NLGN1: variants seen among roughly 807,000 people sequenced by gnomAD.
NLGN1 encodes the protein neuroligin-1.
Under a neutral mutation model 65.5 loss-of-function variants are expected in NLGN1, and 12 were observed. The observed-to-expected ratio is 0.18, with a 90% CI of 0.12 to 0.30. The LOEUF is 0.30. NLGN1 is among the 10% of genes least tolerant of loss of function. NLGN1 has a pLI of 1.00. For missense variants in NLGN1, 750 were observed against 1,007.1 expected, an observed-to-expected ratio of 0.74 and a Z score of 3.46; for synonymous variants, 350 against 359.5, an observed-to-expected ratio of 0.97 and a Z score of 0.30.
chr3:174,067,887 T>C (rs1738982410), intron 4 of NLGN1, among the ~76,000 whole-genome samples: 1 of 152,138 alleles, frequency 6.6e-6, no homozygotes, highest in African/African-American at 2.4e-5. Context: ...GTCTTGAGAA[T>C]CAGGACACAG....
rs188826803 is a variant in NLGN1, at chr3:173,452,858, C to A, written c.-321+17780C>A. ...GAGCCACAGACATTTTTTGGTTTCC[C>A]AATACATATATAAATTACGTTTACA... On this transcript the variant is annotated intron_variant, in intron 2 of 6. Transcript: ENST00000457714. Among the ~76,000 whole-genome samples the A allele has an allele frequency of 3.4e-4, 52 of 152,154 alleles. 1 individual carries two copies. The East Asian group carries it at 9.9e-3, about 29-fold the overall frequency.
At chr3:173,594,335 C>T (rs1749075853) in intron 2 of NLGN1, among the ~76,000 whole-genome samples, 1 of 152,220 alleles carries the variant, frequency 6.6e-6, no homozygotes, top group Admixed American at 6.5e-5. Flanking sequence ...AGAGGGGCTA[C>T]AGGCCCCATG....
At chr3:173,753,559 C>T (rs1776623463) in intron 3 of NLGN1, among the ~76,000 whole-genome samples, 2 of 152,128 alleles carry the variant, frequency 1.3e-5, no homozygotes, top group South Asian at 2.1e-4. Flanking sequence ...TGTTATGTCT[C>T]GCCTGGATGA....
chr3:173,722,435 G>T (rs1472129415), intron 3 of NLGN1, among the ~76,000 whole-genome samples: 2 of 151,736 alleles, frequency 1.3e-5, no homozygotes, highest in African/African-American at 4.8e-5. Context: ...TAGAGACAGG[G>T]TTTCACCATG....
At chr3:174,003,227 T>C (rs1031621701) in intron 4 of NLGN1, among the ~76,000 whole-genome samples, 3 of 152,170 alleles carry the variant, frequency 2.0e-5, no homozygotes, top group Non-Finnish European at 4.4e-5. Context: ...TGCAAGAAAG[T>C]GACTATTGCA....
At chr3:173,416,501 C>T (rs888876786) in intron 1 of NLGN1, among the ~76,000 whole-genome samples, 1 of 152,172 alleles carries the variant, frequency 6.6e-6, no homozygotes, top group Admixed American at 6.5e-5. Context: ...TTTTCCCTAA[C>T]TCATATTTCT....
chr3:173,642,978 TA>T (rs1477836879), intron 3 of NLGN1, among the ~76,000 whole-genome samples: 1 of 152,168 alleles, frequency 6.6e-6, no homozygotes, highest in Non-Finnish European at 1.5e-5. Context: ...AAAATGTGTA[TA>T]TATATACACA....
intron 4 of NLGN1, among the ~76,000 whole-genome samples, chr3:174,184,634 G>T (rs548291278): frequency 6.6e-6 from 1 of 152,262 alleles, no homozygotes; most frequent in African/African-American, 2.4e-5. Context: ...CTGCCTACAT[G>T]CTCAGCACTG....
chr3:174,238,954 G>A (rs990399554), intron 4 of NLGN1, among the ~76,000 whole-genome samples: 11 of 152,190 alleles, frequency 7.2e-5, no homozygotes, highest in Middle Eastern at 3.4e-3. Context: ...GGGGTTGGTG[G>A]AATGTCTTGG....
intron 4 of NLGN1, among the ~76,000 whole-genome samples, chr3:173,811,162 A>G (rs1230181880): frequency 6.6e-6 from 1 of 152,248 alleles, no homozygotes; most frequent in African/African-American, 2.4e-5. Flanking sequence ...TTTCTTCAGC[A>G]TCTATTATTT....
chr3:173,609,973 AG>A (rs1752030612), intron 3 of NLGN1, among the ~76,000 whole-genome samples: 1 of 151,880 alleles, frequency 6.6e-6, no homozygotes, highest in Admixed American at 6.6e-5. Flanking sequence ...AGATCTGGAA[AG>A]GGGGAAAAGA....
chr3:173,489,193 T>C (rs1365552272), intron 2 of NLGN1, among the ~76,000 whole-genome samples: 3 of 152,068 alleles, frequency 2.0e-5, no homozygotes, highest in African/African-American at 7.2e-5. Flanking sequence ...AATTAACTCA[T>C]CATTTACATT....
intron 4 of NLGN1, among the ~76,000 whole-genome samples, chr3:174,237,123 A>G (rs994367764): frequency 6.6e-6 from 1 of 152,134 alleles, no homozygotes; most frequent in East Asian, 1.9e-4. Context: ...ATAAAGTAGA[A>G]AATTAAATAA....
intron 4 of NLGN1, among the ~76,000 whole-genome samples, chr3:173,841,147 T>TTTTA (rs145205282): frequency 5.3e-5 from 8 of 149,906 alleles, no homozygotes; most frequent in African/African-American, 9.8e-5. Context: ...ATATCTATAG[T>TTTTA]TATATATATA....
intron 2 of NLGN1, among the ~76,000 whole-genome samples, chr3:173,473,540 A>AG (rs755110540): frequency 6.6e-6 from 1 of 152,196 alleles, no homozygotes; most frequent in Non-Finnish European, 1.5e-5. Context: ...TCACTAAAAT[A>AG]GTTGCTGTTT....
At chr3:174,275,146 C>A (rs1312320376) in intron 4 of NLGN1, among the ~76,000 whole-genome samples, 169 bp from the exon 5 acceptor site, 2 of 151,856 alleles carry the variant, frequency 1.3e-5, no homozygotes, top group Non-Finnish European at 2.9e-5. Flanking sequence ...TCAGCCACTA[C>A]TAACTATTCT....
intron 4 of NLGN1, among the ~76,000 whole-genome samples, chr3:174,083,506 C>T (rs1742654305): frequency 6.6e-6 from 1 of 151,982 alleles, no homozygotes; most frequent in African/African-American, 2.4e-5. Flanking sequence ...TCTTCGAAAA[C>T]ACATAGTGAA....
intron 4 of NLGN1, among the ~76,000 whole-genome samples, chr3:174,270,184 AT>A (rs10547987): frequency 0.53 from 67,541 of 127,506 alleles, 17,321 homozygotes; most frequent in African/African-American, 0.68. Context: ...TTATTTGTTT[AT>A]TTTTTTTTTT....
At chr3:174,060,443 C>G (rs1737148463) in intron 4 of NLGN1, among the ~76,000 whole-genome samples, 1 of 152,048 alleles carries the variant, frequency 6.6e-6, no homozygotes, top group African/African-American at 2.4e-5. Context: ...CATATGCCCC[C>G]CTTTACCCTC....
Sources: gnomAD v4.1 joint callset for allele counts (sites outside exome capture counted in the v4.1 genomes callset) on GRCh38, gnomAD v4.1.1 for gene constraint, MANE v1.5 for transcripts, NCBI Gene and HGNC (gene_info 2026-07-23, HGNC 2026-07-21) for gene names.